The following CLSTN2 variants were observed in gnomAD, a reference collection of about 807,000 sequenced individuals.
CLSTN2 encodes the protein calsyntenin 2.
In CLSTN2, 48 loss-of-function variants were observed where a neutral mutation model predicts 101.2. That is an observed-to-expected ratio of 0.47 (90% CI 0.38 to 0.60). The LOEUF is 0.60. Ranked by LOEUF, CLSTN2 falls within the 20% of genes least tolerant of loss-of-function variation. The pLI is 0.00. For missense variants in CLSTN2, 1,160 were observed against 1,238.2 expected (o/e 0.94, Z 0.95); for synonymous variants, 481 against 463.6 (o/e 1.04, Z -0.48).
intron 1 of CLSTN2, among the ~76,000 whole-genome samples, chr3:140,076,177 G>A (rs898395635): frequency 6.6e-6 from 1 of 152,132 alleles, no homozygotes; most frequent in African/African-American, 2.4e-5. Context: ...TCTGTGATGG[G>A]CTTGTTTCAC....
intron 1 of CLSTN2, among the ~76,000 whole-genome samples, chr3:140,090,847 G>A (rs985331998): frequency 2.0e-5 from 3 of 152,156 alleles, no homozygotes; most frequent in Non-Finnish European, 4.4e-5. Context: ...GGGCAGGAAA[G>A]GGTACTACTG....
chr3:140,238,447 C>G (rs1164672847), intron 2 of CLSTN2, among the ~76,000 whole-genome samples: 1 of 152,052 alleles, frequency 6.6e-6, no homozygotes. Context: ...TTTCCAGAAG[C>G]AACCATTCTT....
At chr3:140,423,794 C>T (rs2107992961) in intron 5 of CLSTN2, among the ~76,000 whole-genome samples, 1 of 152,316 alleles carries the variant, frequency 6.6e-6, no homozygotes, top group South Asian at 2.1e-4. Context: ...TCATTGCAGA[C>T]ACCCCTTCCC....
intron 5 of CLSTN2, among the ~76,000 whole-genome samples, chr3:140,431,472 A>G (rs2088628238): frequency 6.6e-6 from 1 of 152,202 alleles, no homozygotes; most frequent in African/African-American, 2.4e-5. Flanking sequence ...TCCATTCAAT[A>G]GGACAGCACT....
chr3:140,053,716 C>T (rs1341171915), intron 1 of CLSTN2, among the ~76,000 whole-genome samples: 9 of 152,192 alleles, frequency 5.9e-5, no homozygotes, highest in African/African-American at 1.4e-4. Context: ...TTCATTCCTG[C>T]CCCCTGAGCT....
chr3:140,038,534 C>CCGAAAG, intron 1 of CLSTN2, among the ~76,000 whole-genome samples: 2 of 152,136 alleles, frequency 1.3e-5, no homozygotes, highest in East Asian at 3.9e-4. Flanking sequence ...TGTGCAGACG[C>CCGAAAG]TGTTTAGTTT....
chr3:140,318,647 G>T (rs2087253101), intron 2 of CLSTN2, among the ~76,000 whole-genome samples: 1 of 152,178 alleles, frequency 6.6e-6, no homozygotes, highest in African/African-American at 2.4e-5. Flanking sequence ...TGGCATAAAT[G>T]TCTCCAAATG....
At chr3:140,473,748 T>C (rs901150887) in intron 8 of CLSTN2, among the ~76,000 whole-genome samples, 4 of 151,468 alleles carry the variant, frequency 2.6e-5, no homozygotes, top group African/African-American at 9.7e-5. Context: ...TTTTGTGTTT[T>C]TTTTTTGTTG....
intron 2 of CLSTN2, among the ~76,000 whole-genome samples, chr3:140,264,375 AATATATATATATATATATATATATATAT>A (rs61248635): frequency 0.042 from 4,162 of 98,578 alleles, 279 homozygotes; most frequent in African/African-American, 0.097. Context: ...TAATGAATCA[AATATATATATATATATATATATATATAT>A]ATATATATAT....
At chr3:140,130,039 A>T (rs1576438120) in intron 1 of CLSTN2, among the ~76,000 whole-genome samples, 1 of 152,168 alleles carries the variant, frequency 6.6e-6, no homozygotes, top group South Asian at 2.1e-4. Flanking sequence ...TGCTAGTGGG[A>T]TGGATACCCA....
chr3:140,404,571 AT>A lies in CLSTN2; in HGVS notation c.443del (p.Ile148AsnfsTer3). On this transcript the variant is annotated frameshift_variant, in exon 4 of 17. Coordinates refer to ENST00000458420, the MANE Select transcript of CLSTN2 (RefSeq NM_022131.3). LOFTEE classifies it high-confidence loss of function. ...WKKSHKAVVH[I>X]QVKDVNEFAP... ...GTGTGGTCCCAGGGCCGTGGTCCATATACAGGTGAAGGATGTCAACGAGTTT... is the reference window on the plus strand; with the variant it reads ...GTGTGGTCCCAGGGCCGTGGTCCATAACAGGTGAAGGATGTCAACGAGTTT... 2 of 1,614,118 alleles carry A rather than the reference AT, an allele frequency of 1.2e-6. No individual in the cohort carries two copies. Among genetic ancestry groups the A allele is most frequent in the Non-Finnish European group, 1.7e-6 (2 of 1,180,012 alleles).
At chr3:139,955,787 G>A (rs1044391532) in intron 1 of CLSTN2, among the ~76,000 whole-genome samples, 2 of 152,196 alleles carry the variant, frequency 1.3e-5, no homozygotes, top group Admixed American at 6.5e-5. Flanking sequence ...TGCTCTGAGA[G>A]AGAAAGGATG....
At chr3:140,333,969 A>G (rs144326809) in intron 2 of CLSTN2, among the ~76,000 whole-genome samples, 2 of 152,262 alleles carry the variant, frequency 1.3e-5, no homozygotes, top group African/African-American at 4.8e-5. Context: ...TGTCTGGATG[A>G]TATGTCACTT....
intron 1 of CLSTN2, among the ~76,000 whole-genome samples, chr3:139,948,941 C>T (rs1384145587): frequency 6.6e-6 from 1 of 152,172 alleles, no homozygotes; most frequent in Non-Finnish European, 1.5e-5. Flanking sequence ...ATGAGGGAAC[C>T]CTCTCCACAC....
At chr3:140,428,995 C>T (rs537357056) in intron 5 of CLSTN2, among the ~76,000 whole-genome samples, 1 of 152,274 alleles carries the variant, frequency 6.6e-6, no homozygotes, top group African/African-American at 2.4e-5. Context: ...ATCAACTTCA[C>T]TTTGACTAAG....
At chr3:140,087,917 C>T (rs770241686) in intron 1 of CLSTN2, among the ~76,000 whole-genome samples, 3 of 152,082 alleles carry the variant, frequency 2.0e-5, no homozygotes, top group Non-Finnish European at 4.4e-5. Flanking sequence ...ATGCTTACAG[C>T]GTAAATTGCA....
intron 2 of CLSTN2, among the ~76,000 whole-genome samples, chr3:140,296,805 G>C (rs907494876): frequency 6.6e-6 from 1 of 152,154 alleles, no homozygotes; most frequent in African/African-American, 2.4e-5. Flanking sequence ...TTTTCTGTTA[G>C]TTCCTCATAA....
At chr3:140,251,500 A>G (rs1438492131) in intron 2 of CLSTN2, among the ~76,000 whole-genome samples, 2 of 152,180 alleles carry the variant, frequency 1.3e-5, no homozygotes, top group Non-Finnish European at 2.9e-5. Context: ...TGAAGATATT[A>G]TCTTTAGCCT....
chr3:139,974,171 G>A (rs2107820317), intron 1 of CLSTN2, among the ~76,000 whole-genome samples: 1 of 152,308 alleles, frequency 6.6e-6, no homozygotes, highest in South Asian at 2.1e-4. Flanking sequence ...GTAAGCCTGA[G>A]AGAAAGTGAT....
Sources: allele counts gnomAD v4.1 joint callset (sites outside exome capture counted in the v4.1 genomes callset), GRCh38; gene constraint gnomAD v4.1.1; transcripts MANE v1.5; gene names NCBI Gene and HGNC (gene_info 2026-07-23, HGNC 2026-07-21).